The following VPS13A variants were observed in gnomAD, a reference collection of about 807,000 sequenced individuals.
The protein encoded by VPS13A is vacuolar protein sorting 13 homolog A.
VPS13A carries 264 observed loss-of-function variants against 390.9 expected under a neutral mutation model. That is an observed-to-expected ratio of 0.68 (90% CI 0.61 to 0.75). The LOEUF is 0.75. Ranked by LOEUF, VPS13A falls within the 30% of genes least tolerant of loss-of-function variation. The pLI, the probability that VPS13A is intolerant of heterozygous loss-of-function variation, is 0.00. For missense variants in VPS13A, 3,409 were observed against 3,733.9 expected, an observed-to-expected ratio of 0.91 and a Z score of 2.27; for synonymous variants, 1,231 against 1,227.1, an observed-to-expected ratio of 1.00 and a Z score of -0.07.
At chr9:77,290,999 A>G (rs1022895113) in intron 31 of VPS13A, among the ~76,000 whole-genome samples, 2 of 152,070 alleles carry the variant, frequency 1.3e-5, no homozygotes, top group African/African-American at 4.8e-5. Flanking sequence ...ATAATTATTG[A>G]TCGAATGTCA....
chr9:77,252,288 G>GTAGATATATTTGGTAGA lies in VPS13A; in HGVS notation c.2226_2227insGATATATTTGGTAGATA (p.Pro743AspfsTer23). On this transcript the variant is annotated frameshift_variant, in exon 22 of 72. Coordinates refer to ENST00000360280, the MANE Select transcript of VPS13A (RefSeq NM_033305.3). LOFTEE classifies it high-confidence loss of function. ...CAGTGTATCTACCCAGCATATTTTG[G>GTAGATATATTTGGTAGA]TACCCATGCACTTCAATTTGGAACT... 1.2e-6 allele frequency: 2 copies of GTAGATATATTTGGTAGA among 1,613,966 alleles called. No homozygotes were observed. Among genetic ancestry groups the GTAGATATATTTGGTAGA allele is most frequent in the Non-Finnish European group, 1.7e-6 (2 of 1,179,916 alleles).
Position 77,213,497 on chromosome 9 carries a change from C to CT in VPS13A, c.696+200dup, listed in dbSNP as rs527345941. On this transcript the variant is annotated intron_variant, in intron 9 of 71. Transcript: ENST00000360280. Reference sequence around the variant, plus strand: ...CAAACATGAATACATACCCCCATATCTTTTTTTTTTTTTTTTTGAGACAAG... The same window carrying CT: ...CAAACATGAATACATACCCCCATATCTTTTTTTTTTTTTTTTTTGAGACAAG... 0.018 allele frequency among the ~76,000 whole-genome samples: 2,556 copies of CT among 140,100 alleles called. 72 individuals carry two copies. Among genetic ancestry groups the CT allele is most frequent in the African/African-American group, 0.056 (2,126 of 37,804 alleles). 91.9% of individuals were successfully genotyped at this position (140,100 alleles called of 152,430 possible).
chr9:77,405,200 T>C (rs1199419580), intron 69 of VPS13A, among the ~76,000 whole-genome samples: 1 of 152,174 alleles, frequency 6.6e-6, no homozygotes, highest in African/African-American at 2.4e-5. Context: ...TTTGAAGTCT[T>C]CCTCTAAAAT....
intron 67 of VPS13A, among the ~76,000 whole-genome samples, chr9:77,376,405 C>G (rs1040770636): frequency 6.6e-6 from 1 of 152,074 alleles, no homozygotes; most frequent in African/African-American, 2.4e-5. Flanking sequence ...GGGATTAGGG[C>G]AGAAACAACA....
intron 52 of VPS13A, among the ~76,000 whole-genome samples, chr9:77,349,280 C>T (rs965682731): frequency 1.3e-5 from 2 of 151,990 alleles, no homozygotes; most frequent in Non-Finnish European, 2.9e-5. Flanking sequence ...TATCAATTTG[C>T]TTCAAAGCAC....
chr9:77,409,866 ACT>A (rs1195958305), intron 71 of VPS13A, among the ~76,000 whole-genome samples: 1 of 151,402 alleles, frequency 6.6e-6, no homozygotes, highest in African/African-American at 2.4e-5. Flanking sequence ...GTTGGAAAAC[ACT>A]CTGCAGGATA....
chr9:77,351,886 A>C (rs546953580), intron 53 of VPS13A, among the ~76,000 whole-genome samples: 29 of 152,248 alleles, frequency 1.9e-4, no homozygotes, highest in Admixed American at 1.7e-3. Flanking sequence ...CAAACAAAAA[A>C]CAACAGTATT....
At chr9:77,345,412 T>A (rs1468109879) in intron 52 of VPS13A, among the ~76,000 whole-genome samples, 1 of 152,142 alleles carries the variant, frequency 6.6e-6, no homozygotes, top group Admixed American at 6.5e-5. Flanking sequence ...TGATGAGGAG[T>A]CTGTCAGAGT....
At chr9:77,306,616 T>C (rs1482909109) in intron 34 of VPS13A, among the ~76,000 whole-genome samples, 2 of 152,110 alleles carry the variant, frequency 1.3e-5, no homozygotes, top group African/African-American at 4.8e-5. Flanking sequence ...GAATTCTTGC[T>C]TAGAGGAGGT....
chr9:77,212,983 C>T lies in VPS13A; in HGVS notation c.570C>T (p.Tyr190=), dbSNP rs761860828. ...TTCCTTTTCAGACAACTGATCAATA[C>T]TGGGTTCCATGTTTACATGATGAAA... ...QNLSMQTTDQ[Y]WVPCLHDETE... The change falls in exon 8 of 72, where the codon TAC becomes TAT. Residue 190 remains tyrosine (Y), a synonymous_variant. Transcript: ENST00000360280. The T allele has an allele frequency of 2.5e-6, 4 of 1,613,716 alleles. No individual in the cohort carries two copies. The South Asian group carries it at 4.4e-5, about 18-fold the overall frequency.
chr9:77,257,040 T>G (rs1436558633), intron 22 of VPS13A, among the ~76,000 whole-genome samples: 1 of 152,190 alleles, frequency 6.6e-6, no homozygotes, highest in East Asian at 1.9e-4. Context: ...TGTTATTTGC[T>G]TTCTGTATGT....
chr9:77,385,745 CTA>C (rs1320219610), intron 68 of VPS13A, among the ~76,000 whole-genome samples: 2 of 152,016 alleles, frequency 1.3e-5, no homozygotes, highest in Non-Finnish European at 2.9e-5. Context: ...TTTATCTTGA[CTA>C]CAGCAGAAGC....
intron 45 of VPS13A, among the ~76,000 whole-genome samples, chr9:77,331,077 T>C (rs1435638612): frequency 6.6e-6 from 1 of 152,084 alleles, no homozygotes; most frequent in Admixed American, 6.6e-5. Context: ...TACATGATTA[T>C]ATGGATTTGA....
At chr9:77,380,290 T>C (rs1047880530) in intron 67 of VPS13A, among the ~76,000 whole-genome samples, 2 of 151,966 alleles carry the variant, frequency 1.3e-5, no homozygotes, top group African/African-American at 4.8e-5. Context: ...ATTTTTTTTA[T>C]CTATTCTGTT....
rs942287737 is a variant in VPS13A at position 77,205,246 on chromosome 9, C to G, written c.188-67C>G. The G allele has an allele frequency of 1.8e-5, 15 of 845,562 alleles. No individual in the cohort carries two copies. The Admixed American group carries it at 3.8e-4, about 21-fold the overall frequency. 52.4% of individuals were successfully genotyped at this position (845,562 alleles called of 1,614,324 possible). ...TCTTCAATGCCTGACAGAAAATAGA[C>G]TAACCATAAATGCAGGTTGAAGGAG... On this transcript the variant is annotated intron_variant, in intron 3 of 71. Transcript: ENST00000360280.
chr9:77,359,278 T>C (rs1039700411), intron 57 of VPS13A, 55 bp from the exon 58 acceptor site: 94 of 1,439,278 alleles, frequency 6.5e-5, no homozygotes, highest in Admixed American at 4.4e-4. Flanking sequence ...TGGAAGAAAA[T>C]GCCTAGCTTT....
rs376526246 is a variant in VPS13A at position 77,321,584 on chromosome 9, G to T, written c.5668G>T (p.Val1890Phe). 9.9e-6 allele frequency: 16 copies of T among 1,613,242 alleles called. No individual in the cohort carries two copies. The highest frequency in any genetic ancestry group is 6.7e-5 in the African/African-American group (5 of 74,858). The part of the protein sequence containing the change: ...ILNSLGLTIS[V>F]SPSDSFSVLN... Reference sequence around the variant, plus strand: ...AAATTCCCTTGGACTTACTATTTCTGTTTCGCCAAGTGATTCTTTTAGTGT... The same window carrying T: ...AAATTCCCTTGGACTTACTATTTCTTTTTCGCCAAGTGATTCTTTTAGTGT... Residue 1890 changes from valine (V) to phenylalanine (F), a missense_variant, in exon 44 of 72, where the codon GTT becomes TTT. Physicochemically the swap from Val to Phe is conservative, Grantham distance 50. Around this residue, in one of 5 missense-constraint regions of VPS13A, gnomAD observed 2,717 missense variants for 2,917.4 expected, o/e 0.93. Transcript: ENST00000360280.
intron 23 of VPS13A, among the ~76,000 whole-genome samples, chr9:77,267,517 C>T (rs1477948047): frequency 6.6e-6 from 1 of 152,216 alleles, no homozygotes; most frequent in Non-Finnish European, 1.5e-5. Context: ...GCAAAGATTG[C>T]TGCCTGTTCC....
rs7029923 is a variant in VPS13A, at chr9:77,221,433, T to G, written c.1161+77T>G. 8,273 of 1,483,484 alleles carry G rather than the reference T, an allele frequency of 5.6e-3. 130 individuals are homozygous for G. The highest frequency in any genetic ancestry group is 0.05 in the African/African-American group (3,586 of 71,810). 91.9% of individuals were successfully genotyped at this position (1,483,484 alleles called of 1,614,324 possible). A position where few individuals can be genotyped will look rare whatever the true frequency, so the allele number is the denominator to read the frequency against. On this transcript the variant is annotated intron_variant, in intron 13 of 71. Transcript: ENST00000360280. ...TTGGTCTTCAGTGACTGATACTCCC[T>G]ACCTTTCATTCCAATTTTTATTGAC...
Sources: allele counts gnomAD v4.1 joint callset (sites outside exome capture counted in the v4.1 genomes callset), GRCh38; gene constraint gnomAD v4.1.1; regional missense constraint gnomAD v4.1.1; transcripts MANE v1.5; gene names NCBI Gene and HGNC (gene_info 2026-07-23, HGNC 2026-07-21).